The following CACNA1E variants were observed in gnomAD, a reference collection of about 807,000 sequenced individuals.
The protein encoded by CACNA1E is voltage-dependent R-type calcium channel subunit alpha-1E.
In CACNA1E, 40 loss-of-function variants were observed where a neutral mutation model predicts 259.2. The observed-to-expected ratio is 0.15, with a 90% CI of 0.12 to 0.20. The LOEUF (loss-of-function observed/expected upper bound fraction) is 0.20. Ranked by LOEUF, CACNA1E falls within the 10% of genes least tolerant of loss-of-function variation. CACNA1E has a pLI of 1.00. For synonymous variants in CACNA1E, 1,104 were observed against 1,138.5 expected (o/e 0.97, Z 0.61); for missense variants, 1,874 against 3,040.1 (o/e 0.62, Z 9.02).
chr1:181,318,609 G>T (rs998035498), intron 1 of CACNA1E, among the ~76,000 whole-genome samples: 1 of 152,196 alleles, frequency 6.6e-6, no homozygotes. Context: ...GGCGCGGGCG[G>T]CTCAGCAGGT....
intron 15 of CACNA1E, among the ~76,000 whole-genome samples, chr1:181,721,090 C>T (rs1654374691): frequency 6.6e-6 from 1 of 152,222 alleles, no homozygotes; most frequent in South Asian, 2.1e-4. Context: ...GTCCTTCTCT[C>T]ACACCTGTGA....
chr1:181,684,264 G>A (rs1650287647), intron 7 of CACNA1E, among the ~76,000 whole-genome samples: 1 of 151,836 alleles, frequency 6.6e-6, no homozygotes, highest in Non-Finnish European at 1.5e-5. Flanking sequence ...ATGCTTTGTT[G>A]GCCATGTGTA....
chr1:181,729,222 T>C (rs576285782), intron 18 of CACNA1E, among the ~76,000 whole-genome samples: 2 of 150,152 alleles, frequency 1.3e-5, no homozygotes, highest in African/African-American at 2.5e-5. Flanking sequence ...TGTGCCCTGC[T>C]CAGCTGTGTG....
intron 44 of CACNA1E, among the ~76,000 whole-genome samples, chr1:181,791,042 G>C (rs1661261173): frequency 6.6e-6 from 1 of 152,190 alleles, no homozygotes; most frequent in South Asian, 2.1e-4. Flanking sequence ...CTGCCTGCCA[G>C]GAGGCACAGA....
At chr1:181,628,073 G>T (rs1056090779) in intron 6 of CACNA1E, among the ~76,000 whole-genome samples, 1 of 152,216 alleles carries the variant, frequency 6.6e-6, no homozygotes, top group Admixed American at 6.5e-5. Context: ...ATAATGAGAT[G>T]AAGAAGTTGA....
intron 6 of CACNA1E, among the ~76,000 whole-genome samples, chr1:181,636,418 A>C (rs553790257): frequency 6.6e-6 from 1 of 152,338 alleles, no homozygotes; most frequent in South Asian, 2.1e-4. Context: ...TTACTCCAAA[A>C]CACGTTGACT....
intron 1 of CACNA1E, among the ~76,000 whole-genome samples, chr1:181,359,548 C>T (rs1053665418): frequency 6.6e-6 from 1 of 152,086 alleles, no homozygotes; most frequent in East Asian, 1.9e-4. Context: ...TTCACTAGGC[C>T]ATTGTAAGCG....
intron 7 of CACNA1E, among the ~76,000 whole-genome samples, chr1:181,692,170 A>T (rs182722270): frequency 2.4e-4 from 36 of 152,348 alleles, no homozygotes; most frequent in East Asian, 1.3e-3. Context: ...CATAGATGAC[A>T]CAAAAAACTG....
At chr1:181,601,593 G>T (rs780578934) in intron 6 of CACNA1E, among the ~76,000 whole-genome samples, 6 of 152,146 alleles carry the variant, frequency 3.9e-5, no homozygotes, top group Non-Finnish European at 8.8e-5. Flanking sequence ...CTCATCAGTA[G>T]CTCCTTTGGC....
intron 6 of CACNA1E, among the ~76,000 whole-genome samples, chr1:181,594,227 T>C (rs1481156423): frequency 6.6e-6 from 1 of 151,950 alleles, no homozygotes; most frequent in African/African-American, 2.4e-5. Context: ...ATATTGCTAT[T>C]AGCAGGTTGA....
intron 3 of CACNA1E, among the ~76,000 whole-genome samples, chr1:181,565,936 C>T (rs910534042): frequency 7.2e-5 from 11 of 152,058 alleles, no homozygotes; most frequent in African/African-American, 2.4e-4. Flanking sequence ...AGAAATCCCT[C>T]GCCACTGCTA....
At chr1:181,589,552 T>A (rs965710727) in intron 6 of CACNA1E, among the ~76,000 whole-genome samples, 6 of 151,996 alleles carry the variant, frequency 3.9e-5, no homozygotes, top group African/African-American at 1.4e-4. Context: ...AGAGAGTGGA[T>A]AATTTAAAGT....
At chr1:181,605,339 G>A (rs1572356391) in intron 6 of CACNA1E, among the ~76,000 whole-genome samples, 1 of 151,934 alleles carries the variant, frequency 6.6e-6, no homozygotes, top group Admixed American at 6.6e-5. Flanking sequence ...GAGAAAGCAG[G>A]TGGGGGCTGG....
At chr1:181,767,073 G>C (rs1659082757) in intron 35 of CACNA1E, among the ~76,000 whole-genome samples, 2 of 152,168 alleles carry the variant, frequency 1.3e-5, no homozygotes, top group Admixed American at 1.3e-4. Context: ...GTCTTATAGA[G>C]TCTTATACTT....
intron 3 of CACNA1E, among the ~76,000 whole-genome samples, chr1:181,544,641 C>T (rs947866084): frequency 6.6e-6 from 1 of 152,144 alleles, no homozygotes; most frequent in South Asian, 2.1e-4. Context: ...ATGTAGCTGG[C>T]GTTTTAGCAC....
At chr1:181,397,954 A>G (rs1246046732) in intron 1 of CACNA1E, among the ~76,000 whole-genome samples, 1 of 152,256 alleles carries the variant, frequency 6.6e-6, no homozygotes, top group Non-Finnish European at 1.5e-5. Flanking sequence ...TTGCAGAGAC[A>G]GATGCTCCTG....
At chr1:181,507,278 G>A (rs2102599737) in intron 1 of CACNA1E, among the ~76,000 whole-genome samples, 1 of 152,324 alleles carries the variant, frequency 6.6e-6, no homozygotes, top group South Asian at 2.1e-4. Flanking sequence ...GTCACTGGGA[G>A]TTTGACTCAT....
At chr1:181,375,057 A>T (rs1048383530) in intron 1 of CACNA1E, among the ~76,000 whole-genome samples, 1 of 152,204 alleles carries the variant, frequency 6.6e-6, no homozygotes, top group African/African-American at 2.4e-5. Flanking sequence ...TATGCCATAA[A>T]TGTCTTCTCA....
chr1:181,628,234 T>G (rs1293212013), intron 6 of CACNA1E, among the ~76,000 whole-genome samples: 1 of 152,178 alleles, frequency 6.6e-6, no homozygotes, highest in African/African-American at 2.4e-5. Context: ...TTTTCTTAGA[T>G]TCGTCAGCAA....
Sources: allele counts gnomAD v4.1 joint callset (sites outside exome capture counted in the v4.1 genomes callset), GRCh38; gene constraint gnomAD v4.1.1; transcripts MANE v1.5; gene names NCBI Gene and HGNC (gene_info 2026-07-23, HGNC 2026-07-21).